ZPBP: variants seen among roughly 807,000 people sequenced by gnomAD.
ZPBP encodes the protein zona pellucida binding protein.
Under a neutral mutation model 44.8 loss-of-function variants are expected in ZPBP, and 26 were observed. The ratio of observed to expected loss-of-function variants is 0.58; its 90% CI spans 0.43 to 0.81. The LOEUF is 0.81. ZPBP is among the 30% of genes least tolerant of loss of function. ZPBP has a pLI of 0.00. For missense variants in ZPBP, 409 were observed against 434.0 expected (o/e 0.94, Z 0.51); for synonymous variants, 174 against 153.2 (o/e 1.14, Z -1.00).
Position 50,083,810 on chromosome 7 carries a change from CT to C in ZPBP, c.209-1912del, listed in dbSNP as rs200588996. ...CAAATGTAAACTTAGATTTATACCT[CT>C]TACCGTATATAAAAATAAATTCCAG... On this transcript the variant is annotated intron_variant, in intron 2 of 7. Coordinates refer to ENST00000046087, the MANE Select transcript of ZPBP (RefSeq NM_007009.3). Among the ~76,000 whole-genome samples, 653 of 152,028 alleles carry C rather than the reference CT, an allele frequency of 4.3e-3. 1 individual carries two copies. Among genetic ancestry groups the C allele is most frequent in the African/African-American group, 0.013 (557 of 41,502 alleles).
chr7:49,870,295 G>C (rs2626346), intron 2 of ZPBP, among the ~76,000 whole-genome samples: 1 of 152,120 alleles, frequency 6.6e-6, no homozygotes, highest in Non-Finnish European at 1.5e-5. Flanking sequence ...AGCTACTCGG[G>C]AGGCTGAGGC....
chr7:49,976,958 C>CG (rs955380807), intron 7 of ZPBP, among the ~76,000 whole-genome samples: 1 of 151,836 alleles, frequency 6.6e-6, no homozygotes, highest in African/African-American at 2.4e-5. Flanking sequence ...AAAAATTACC[C>CG]GGGCACGGTG....
chr7:49,849,205 A>G (rs1790078497), downstream of ZPBP, among the ~76,000 whole-genome samples: 1 of 152,194 alleles, frequency 6.6e-6, no homozygotes, highest in Non-Finnish European at 1.5e-5. Context: ...GTGGGGGGAA[A>G]CCAATACAGT....
At chr7:50,018,029 C>A (rs1324084542) in intron 6 of ZPBP, among the ~76,000 whole-genome samples, 1 of 151,878 alleles carries the variant, frequency 6.6e-6, no homozygotes, top group Admixed American at 6.6e-5. Context: ...CTTCATATAA[C>A]CAATTACAAA....
intron 3 of ZPBP, among the ~76,000 whole-genome samples, chr7:50,077,829 T>C (rs1007672894): frequency 6.6e-6 from 1 of 151,824 alleles, no homozygotes; most frequent in African/African-American, 2.4e-5. Context: ...GGTGAACAGT[T>C]TGGAGGCTTC....
chr7:49,989,911 C>T (rs1001632039), intron 6 of ZPBP, among the ~76,000 whole-genome samples: 1 of 152,188 alleles, frequency 6.6e-6, no homozygotes, highest in African/African-American at 2.4e-5. Flanking sequence ...CCAATCTTAG[C>T]AAGCATAACT....
chr7:49,922,660 A>C (rs910772869), intron 1 of ZPBP, among the ~76,000 whole-genome samples: 1 of 152,224 alleles, frequency 6.6e-6, no homozygotes, highest in African/African-American at 2.4e-5. Context: ...GTTGAATAGC[A>C]CTTTTTGACA....
chr7:49,853,421 C>A (rs148481355), intron 2 of ZPBP, among the ~76,000 whole-genome samples: 16 of 152,194 alleles, frequency 1.1e-4, no homozygotes, highest in African/African-American at 3.9e-4. Context: ...CTGTTCTGTG[C>A]CAGGAGCTCT....
intron 2 of ZPBP, among the ~76,000 whole-genome samples, chr7:50,088,195 C>T (rs1198675403): frequency 6.6e-6 from 1 of 151,950 alleles, no homozygotes; most frequent in African/African-American, 2.4e-5. Flanking sequence ...ATCGCTTCAA[C>T]AAATGGTGAT....
rs568227866 is a variant in ZPBP, at chr7:49,873,896, T to C, written n.510-23382A>G. On this transcript the variant is annotated intron_variant and non_coding_transcript_variant, in intron 2 of 2. Coordinates refer to the ZPBP transcript ENST00000465922. ...GCCAACATGGAGAAATGTCAAAACA[T>C]ATAATTAAGTAAAAAAAAAAAACAA... is the stretch of plus-strand genomic sequence containing the variant. 2.7e-5 allele frequency among the ~76,000 whole-genome samples: 3 copies of C among 110,044 alleles called. No homozygotes were observed. In the South Asian group the frequency reaches 9.4e-4, roughly 35 times the overall value. The allele number at this position is 110,044 out of a possible 152,430, so 72.2% of individuals were successfully genotyped here. A position where few individuals can be genotyped will look rare whatever the true frequency, so the allele number is the denominator to read the frequency against.
chr7:49,990,252 A>G (rs1330401420), intron 6 of ZPBP, among the ~76,000 whole-genome samples: 1 of 152,192 alleles, frequency 6.6e-6, no homozygotes, highest in Non-Finnish European at 1.5e-5. Context: ...GAAAACTCAA[A>G]GGCTACTGAC....
intron 1 of ZPBP, among the ~76,000 whole-genome samples, chr7:50,092,580 T>A (rs1194337223): frequency 1.3e-5 from 2 of 152,224 alleles, no homozygotes; most frequent in African/African-American, 4.8e-5. Context: ...CATGTATTTT[T>A]AAAACAGTAT....
At chr7:49,932,084 GC>G (rs2128750501) in intron 1 of ZPBP, among the ~76,000 whole-genome samples, 1 of 152,364 alleles carries the variant, frequency 6.6e-6, no homozygotes, top group South Asian at 2.1e-4. Flanking sequence ...GGATGTCCAG[GC>G]AGAGGTGTGC....
intron 5 of ZPBP, among the ~76,000 whole-genome samples, chr7:50,028,960 A>G (rs985463355): frequency 5.3e-5 from 8 of 152,126 alleles, no homozygotes; most frequent in Non-Finnish European, 1.2e-4. Flanking sequence ...CAAAACCCCA[A>G]TGGTAATTTT....
chr7:49,941,795 CA>C (rs1311822758), intron 7 of ZPBP, among the ~76,000 whole-genome samples: 1 of 151,860 alleles, frequency 6.6e-6, no homozygotes, highest in Non-Finnish European at 1.5e-5. Context: ...CAAGAGACTC[CA>C]AATAGCCAAA....
chr7:49,966,283 T>C (rs1796055888), intron 7 of ZPBP, among the ~76,000 whole-genome samples: 1 of 152,144 alleles, frequency 6.6e-6, no homozygotes, highest in Non-Finnish European at 1.5e-5. Flanking sequence ...ACCTAATCTA[T>C]ATTTGCTGAA....
At chr7:49,960,552 A>T (rs1159761475) in intron 7 of ZPBP, among the ~76,000 whole-genome samples, 1 of 152,190 alleles carries the variant, frequency 6.6e-6, no homozygotes, top group Non-Finnish European at 1.5e-5. Flanking sequence ...TTTTTAATTT[A>T]AAAACAAAAA....
chr7:49,965,387 C>T (rs1012924080), intron 7 of ZPBP, among the ~76,000 whole-genome samples: 4 of 151,950 alleles, frequency 2.6e-5, no homozygotes, highest in African/African-American at 9.7e-5. Flanking sequence ...AATAAAAAAA[C>T]TATCAACTCT....
At chr7:49,955,251 C>T (rs890057755) in intron 7 of ZPBP, among the ~76,000 whole-genome samples, 1 of 151,990 alleles carries the variant, frequency 6.6e-6, no homozygotes, top group African/African-American at 2.4e-5. Context: ...ATGTTCTATA[C>T]TACTCTCATA....
Sources: allele counts gnomAD v4.1 joint callset (sites outside exome capture counted in the v4.1 genomes callset), GRCh38; gene constraint gnomAD v4.1.1; transcripts MANE v1.5; gene names NCBI Gene and HGNC (gene_info 2026-07-23, HGNC 2026-07-21).